RIMBP2: variants seen among roughly 807,000 people sequenced by gnomAD.
RIMBP2 encodes RIMS-binding protein 2.
RIMBP2 carries 48 observed loss-of-function variants against 118.6 expected under a neutral mutation model. The ratio of observed to expected loss-of-function variants is 0.40; its 90% confidence interval spans 0.32 to 0.51. The LOEUF (loss-of-function observed/expected upper bound fraction) is 0.51, where lower values mean the gene tolerates loss of function less well. Among genes scored for constraint, RIMBP2 ranks in the 20% least tolerant of loss-of-function variants. The pLI is 0.41. For missense variants in RIMBP2, 1,551 were observed against 1,768.3 expected (o/e 0.88, Z 2.20); for synonymous variants, 762 against 742.9 (o/e 1.03, Z -0.42).
intron 2 of RIMBP2, among the ~76,000 whole-genome samples, chr12:130,567,767 C>T (rs371886614): frequency 2.0e-5 from 3 of 152,222 alleles, no homozygotes; most frequent in Admixed American, 2.0e-4. Context: ...CCACCTCTTC[C>T]CCCTGGTCCT....
chr12:130,560,013 G>A (rs148964077), intron 2 of RIMBP2, among the ~76,000 whole-genome samples: 12 of 152,292 alleles, frequency 7.9e-5, no homozygotes, highest in African/African-American at 2.6e-4. Flanking sequence ...TGGGAGCAGG[G>A]GGTGATTTGC....
intron 2 of RIMBP2, among the ~76,000 whole-genome samples, chr12:130,530,006 G>A (rs771039216): frequency 6.6e-6 from 1 of 152,164 alleles, no homozygotes; most frequent in Non-Finnish European, 1.5e-5. Context: ...CCAGGGGTTG[G>A]TGACCCACAC....
Position 130,436,975 on chromosome 12 carries a change from G to A in RIMBP2, c.1973C>T (p.Pro658Leu), listed in dbSNP as rs753433895. ...CGACCGCCTTCCGGGGCCCACGGGC[G>A]GCTCCAGCATGTGCCCATGCACAGG... ...PGPVHGHMLE[P>L]PVGPGRRSPS... The change falls in exon 13 of 23, where the codon CCG becomes CTG. Residue 658 changes from proline (P) to leucine (L), a missense_variant. Physicochemically the swap from Pro to Leu is moderately conservative, Grantham distance 98. This residue lies in a region of RIMBP2 where 1,038 missense variants were observed against 1,125.1 expected (regional missense o/e 0.92). Coordinates refer to ENST00000690449, the MANE Select transcript of RIMBP2 (RefSeq NM_001393629.1). 43 of 1,609,126 alleles carry A rather than the reference G, an allele frequency of 2.7e-5. No homozygotes were observed. The highest frequency in any genetic ancestry group is 5.3e-5 in the African/African-American group (4 of 75,012).
chr12:130,551,529 C>T (rs1423844921), intron 2 of RIMBP2, among the ~76,000 whole-genome samples: 2 of 149,140 alleles, frequency 1.3e-5, no homozygotes, highest in Non-Finnish European at 3.0e-5. Flanking sequence ...TGATAATTTT[C>T]TTCTTTGCCT....
In RIMBP2 at chr12:130,424,976, G is replaced by A. The variant is rs546729424; in HGVS notation, c.2413-118C>T. 1 of 513,454 alleles carries A rather than the reference G, an allele frequency of 1.9e-6. No homozygotes were observed. Among genetic ancestry groups the A allele is most frequent in the Non-Finnish European group, 3.0e-6 (1 of 332,216 alleles). 31.8% of individuals were successfully genotyped at this position (513,454 alleles called of 1,614,324 possible). On this transcript the variant is annotated intron_variant, in intron 15 of 22. Coordinates refer to ENST00000690449, the MANE Select transcript of RIMBP2 (RefSeq NM_001393629.1). This position sits in a 1 kb window ranked among gnomAD's most constrained non-coding sequence, Gnocchi z 9.8. ...TTAGTCCTGGAGGCACCGAGGGGGG[G>A]GAAGCATGCGTCTACTCAGGCCGGG...
At chr12:130,474,688 G>A (rs2081286996) in intron 5 of RIMBP2, among the ~76,000 whole-genome samples, 1 of 152,228 alleles carries the variant, frequency 6.6e-6, no homozygotes, top group African/African-American at 2.4e-5. Flanking sequence ...TCCCCAAGAG[G>A]GGACTGGCTT....
rs931869643 is a variant in RIMBP2 at position 130,506,570 on chromosome 12, G to A, written c.-4+78C>T. On this transcript the variant is annotated intron_variant, in intron 4 of 22. Transcript: ENST00000690449. ...AAGGAGCTTTACATACCTTCTGCTC[G>A]GGGTCCTGCAGCCCCTCCTTCCTCA... The A allele has an allele frequency of 1.7e-5, 16 of 955,398 alleles. No homozygotes were observed. In the South Asian group the frequency reaches 2.9e-4, roughly 17 times the overall value. The allele number at this position is 955,398 out of a possible 1,614,324, so 59.2% of individuals were successfully genotyped here.
chr12:130,549,255 C>G (rs1402119586), intron 2 of RIMBP2, among the ~76,000 whole-genome samples: 1 of 152,210 alleles, frequency 6.6e-6, no homozygotes, highest in East Asian at 1.9e-4. Context: ...ATGGACTAAG[C>G]TGGCATCTGA....
chr12:130,433,408 T>G (rs1489069569), intron 14 of RIMBP2, among the ~76,000 whole-genome samples: 2 of 152,138 alleles, frequency 1.3e-5, no homozygotes, highest in African/African-American at 4.8e-5. Context: ...ATGCATATGG[T>G]TCTGTGTAAT....
intron 4 of RIMBP2, among the ~76,000 whole-genome samples, chr12:130,488,836 C>A (rs2082693130): frequency 6.6e-6 from 1 of 152,190 alleles, no homozygotes. Context: ...AGACAGCATA[C>A]AGAGGGGTTA....
At chr12:130,533,620 A>G (rs758114343) in intron 2 of RIMBP2, among the ~76,000 whole-genome samples, 28 of 152,378 alleles carry the variant, frequency 1.8e-4, no homozygotes, top group Middle Eastern at 3.4e-3. Flanking sequence ...TGTGTTCACC[A>G]TAACACTATT....
At chr12:130,456,822 GTT>G in intron 6 of RIMBP2, 122 bp from the exon 7 acceptor site, 2 of 688,544 alleles carry the variant, frequency 2.9e-6, no homozygotes, top group Non-Finnish European at 4.8e-6. Context: ...GTACACACGT[GTT>G]GTGTCTGTGA....
rs2063820071 is a variant in RIMBP2 at position 130,664,443 on chromosome 12, A to ATGCATG, written c.-351-35988_-351-35987insCATGCA. On this transcript the variant is annotated intron_variant, in intron 1 of 22. Transcript: ENST00000690449. ...CACGCACACACATGCATGCACGCAC[A>ATGCATG]CACGCACACACATGCACGCACACAC... 6.2e-4 allele frequency among the ~76,000 whole-genome samples: 40 copies of ATGCATG among 64,672 alleles called. 1 individual carries two copies. In the East Asian group the frequency reaches 0.015, roughly 24 times the overall value. 42.4% of individuals were successfully genotyped at this position (64,672 alleles called of 152,430 possible).
At chr12:130,550,582 A>T (rs2055664511) in intron 2 of RIMBP2, among the ~76,000 whole-genome samples, 1 of 152,220 alleles carries the variant, frequency 6.6e-6, no homozygotes, top group South Asian at 2.1e-4. Context: ...CTGAACAACT[A>T]TGTCCTATTT....
In RIMBP2 at chr12:130,438,358, A is replaced by C; in HGVS notation, c.1656+7T>G. 6.6e-7 allele frequency: 1 copy of C among 1,520,150 alleles called. No homozygotes were observed. Among genetic ancestry groups the C allele is most frequent in the East Asian group, 2.5e-5 (1 of 40,356 alleles). 94.2% of individuals were successfully genotyped at this position (1,520,150 alleles called of 1,614,324 possible). A position where few individuals can be genotyped will look rare whatever the true frequency, so the allele number is the denominator to read the frequency against. ...AAACCCTCCCCACCCACCCAACGAA[A>C]ACTCACCCTCTGCCCTTTGGCATAC... On this transcript the variant is annotated splice_region_variant and intron_variant, in intron 12 of 22. Coordinates refer to ENST00000690449, the MANE Select transcript of RIMBP2 (RefSeq NM_001393629.1).
In RIMBP2 at chr12:130,577,361, A is replaced by G. The variant is rs561198390; in HGVS notation, c.-217+50961T>C. 2.0e-5 allele frequency among the ~76,000 whole-genome samples: 3 copies of G among 152,284 alleles called. No individual in the cohort carries two copies. The South Asian group carries it at 6.2e-4, about 32-fold the overall frequency. ...CTTCTCACACTGCTTTAAAGATATT[A>G]CCTGAGACTGGGTAATTTTTAAAGA... On this transcript the variant is annotated intron_variant, in intron 2 of 22. Coordinates refer to ENST00000690449, the MANE Select transcript of RIMBP2 (RefSeq NM_001393629.1).
At chr12:130,715,567 G>A (rs1950270403) in intron 1 of RIMBP2, among the ~76,000 whole-genome samples, 1 of 152,176 alleles carries the variant, frequency 6.6e-6, no homozygotes, top group Non-Finnish European at 1.5e-5. Flanking sequence ...AGCAGCCCGC[G>A]CACACTGCTC....
intron 13 of RIMBP2, 70 bp downstream of exon 13, chr12:130,436,772 G>GA: frequency 8.0e-7 from 1 of 1,247,094 alleles, no homozygotes. Flanking sequence ...ATGGGCTGGG[G>GA]AGATTACAGG....
chr12:130,560,474 G>A (rs536834203), intron 2 of RIMBP2, among the ~76,000 whole-genome samples: 1 of 152,186 alleles, frequency 6.6e-6, no homozygotes, highest in East Asian at 1.9e-4. Flanking sequence ...CACCGGTAGT[G>A]ACCACCCAAA....
Sources: gnomAD v4.1 joint callset for allele counts (sites outside exome capture counted in the v4.1 genomes callset) on GRCh38, gnomAD v4.1.1 for gene constraint, gnomAD v4.1.1 regional missense constraint, Gnocchi (gnomAD v3.1) non-coding constraint, MANE v1.5 for transcripts, NCBI Gene and HGNC (gene_info 2026-07-23, HGNC 2026-07-21) for gene names.